The following HS3ST5 variants were observed in gnomAD, a reference collection of about 807,000 sequenced individuals.
HS3ST5 encodes heparan sulfate glucosamine 3-O-sulfotransferase 5.
In HS3ST5, 10 loss-of-function variants were observed where a neutral mutation model predicts 25.4. That is an observed-to-expected ratio of 0.39 (90% CI 0.24 to 0.67). The LOEUF (loss-of-function observed/expected upper bound fraction) is 0.67. HS3ST5 is among the 30% of genes least tolerant of loss of function. The pLI, the probability that HS3ST5 is intolerant of heterozygous loss-of-function variation, is 0.44. For synonymous variants in HS3ST5, 170 were observed against 162.4 expected (o/e 1.05, Z -0.36); for missense variants, 324 against 420.7 (o/e 0.77, Z 2.01).
At chr6:114,272,379 A>G (rs1042708970) in intron 1 of HS3ST5, among the ~76,000 whole-genome samples, 3 of 152,120 alleles carry the variant, frequency 2.0e-5, no homozygotes, top group African/African-American at 7.2e-5. Flanking sequence ...ATCCCCTCTA[A>G]CAGGGCAAGA....
chr6:114,214,534 C>T (rs1007045209), intron 2 of HS3ST5, among the ~76,000 whole-genome samples: 2 of 152,194 alleles, frequency 1.3e-5, no homozygotes. Flanking sequence ...AACTGAGACA[C>T]GTTTTTAATT....
chr6:114,153,535 C>T (rs78205933), intron 3 of HS3ST5, among the ~76,000 whole-genome samples: 17 of 152,138 alleles, frequency 1.1e-4, no homozygotes, highest in Non-Finnish European at 1.6e-4. Flanking sequence ...GGCAGACTCC[C>T]GTTGCACCAT....
chr6:114,261,496 AAG>A (rs1461972508), intron 1 of HS3ST5, among the ~76,000 whole-genome samples: 2 of 152,160 alleles, frequency 1.3e-5, no homozygotes, highest in African/African-American at 4.8e-5. Flanking sequence ...CTGAATATTA[AAG>A]AGAGTGGTGA....
chr6:114,211,583 C>T (rs1781510850), intron 2 of HS3ST5, among the ~76,000 whole-genome samples: 1 of 151,906 alleles, frequency 6.6e-6, no homozygotes, highest in African/African-American at 2.4e-5. Context: ...AATATATTTC[C>T]TAAAATTATG....
intron 3 of HS3ST5, among the ~76,000 whole-genome samples, chr6:114,147,249 T>C (rs1387319386): frequency 6.6e-6 from 1 of 152,164 alleles, no homozygotes; most frequent in Non-Finnish European, 1.5e-5. Flanking sequence ...TTTGGCTATT[T>C]GGGGTACGAA....
chr6:114,216,437 C>T (rs1781767277), intron 2 of HS3ST5, among the ~76,000 whole-genome samples: 2 of 152,124 alleles, frequency 1.3e-5, no homozygotes. Context: ...AGCTTCATTG[C>T]TGGCAATCAG....
At chr6:114,269,004 T>C (rs767341162) in intron 1 of HS3ST5, among the ~76,000 whole-genome samples, 1 of 152,210 alleles carries the variant, frequency 6.6e-6, no homozygotes, top group Non-Finnish European at 1.5e-5. Context: ...TATGGGCTAT[T>C]AGACTGCTAC....
At chr6:114,109,017 G>C (rs1212512638) in intron 3 of HS3ST5, among the ~76,000 whole-genome samples, 1 of 152,080 alleles carries the variant, frequency 6.6e-6, no homozygotes, top group Non-Finnish European at 1.5e-5. Context: ...ACAAAAGTTA[G>C]CCAGATGTGG....
chr6:114,144,398 G>A (rs568300365), intron 3 of HS3ST5, among the ~76,000 whole-genome samples: 3 of 150,930 alleles, frequency 2.0e-5, no homozygotes, highest in Admixed American at 1.3e-4. Context: ...ATCAGAGCCC[G>A]ATAAAGACAT....
chr6:114,259,616 T>C (rs1310313151), intron 1 of HS3ST5, among the ~76,000 whole-genome samples: 1 of 152,250 alleles, frequency 6.6e-6, no homozygotes, highest in Admixed American at 6.5e-5. Flanking sequence ...GAGATAACAC[T>C]TTGGTGGTTA....
intron 2 of HS3ST5, among the ~76,000 whole-genome samples, chr6:114,197,411 T>C (rs916678223): frequency 7.2e-5 from 11 of 152,166 alleles, no homozygotes; most frequent in African/African-American, 2.7e-4. Context: ...TTCTTACATA[T>C]TTATCCTCCA....
chr6:114,176,627 G>T (rs1335691993), intron 2 of HS3ST5, among the ~76,000 whole-genome samples: 1 of 152,066 alleles, frequency 6.6e-6, no homozygotes, highest in Non-Finnish European at 1.5e-5. Flanking sequence ...GGCTGGAAGT[G>T]GAGTCAGATT....
intron 3 of HS3ST5, among the ~76,000 whole-genome samples, chr6:114,065,473 T>G (rs1466298817): frequency 2.0e-5 from 3 of 152,184 alleles, no homozygotes; most frequent in Admixed American, 6.5e-5. Flanking sequence ...AATACTCCCC[T>G]TAGTAGCTCT....
chr6:114,076,811 G>A (rs12663488), intron 3 of HS3ST5, among the ~76,000 whole-genome samples: 7,186 of 152,192 alleles, frequency 0.047, 327 homozygotes, highest in African/African-American at 0.12. Context: ...TGGGAGATGG[G>A]GTAGAGATTA....
At chr6:114,286,421 A>G (rs1582788537) in intron 1 of HS3ST5, among the ~76,000 whole-genome samples, 1 of 152,182 alleles carries the variant, frequency 6.6e-6, no homozygotes, top group South Asian at 2.1e-4. Flanking sequence ...ACAATAATGC[A>G]TTGTACATTT....
At chr6:114,267,398 G>A (rs1323887920) in intron 1 of HS3ST5, among the ~76,000 whole-genome samples, 1 of 152,108 alleles carries the variant, frequency 6.6e-6, no homozygotes, top group African/African-American at 2.4e-5. Flanking sequence ...AATAAGAGGT[G>A]CTTAGCACCT....
chr6:114,272,181 C>T (rs977176547), intron 1 of HS3ST5, among the ~76,000 whole-genome samples: 3 of 152,092 alleles, frequency 2.0e-5, no homozygotes, highest in Admixed American at 2.0e-4. Flanking sequence ...GCCACATTTT[C>T]CTATGTCTTT....
At chr6:114,320,935 T>C (rs975278364) in intron 1 of HS3ST5, among the ~76,000 whole-genome samples, 6 of 107,602 alleles carry the variant, frequency 5.6e-5, no homozygotes, top group African/African-American at 2.8e-4. Context: ...TATATATACA[T>C]ATATAATATA....
At chr6:114,138,274 T>C (rs1013530717) in intron 3 of HS3ST5, among the ~76,000 whole-genome samples, 1 of 152,244 alleles carries the variant, frequency 6.6e-6, no homozygotes, top group Non-Finnish European at 1.5e-5. Flanking sequence ...TGCCTTCATC[T>C]GTTGACTTGA....
Sources: gnomAD v4.1 joint callset for allele counts (sites outside exome capture counted in the v4.1 genomes callset) on GRCh38, gnomAD v4.1.1 for gene constraint, MANE v1.5 for transcripts, NCBI Gene and HGNC (gene_info 2026-07-23, HGNC 2026-07-21) for gene names.